Variants in TRPM3 observed in about 807,000 individuals in gnomAD.
The protein encoded by TRPM3 is long transient receptor potential channel 3.
TRPM3 carries 77 observed loss-of-function variants against 181.2 expected under a neutral mutation model. The observed-to-expected ratio is 0.42, with a 90% CI of 0.35 to 0.51. The LOEUF is 0.51. Ranked by LOEUF, TRPM3 falls within the 20% of genes least tolerant of loss-of-function variation. The pLI is 0.01. For synonymous variants in TRPM3, 745 were observed against 796.4 expected, an observed-to-expected ratio of 0.94 and a Z score of 1.09; for missense variants, 1,759 against 2,196.7, an observed-to-expected ratio of 0.80 and a Z score of 3.98.
chr9:70,944,777 G>A (rs1365219979), intron 1 of TRPM3, among the ~76,000 whole-genome samples: 1 of 151,914 alleles, frequency 6.6e-6, no homozygotes, highest in Non-Finnish European at 1.5e-5. Flanking sequence ...TTTATATCAT[G>A]ACTAAATTTT....
chr9:71,399,521 C>CTTTTTTTTTTTTTTTTTTTTTTTTT lies in TRPM3; in HGVS notation c.183+47131_183+47132insAAAAAAAAAAAAAAAAAAAAAAAAA, dbSNP rs1415739241. ...ATATTCATTTTACTCCTTATATTTTCTTTTGTTTTTTTTTTTTTTTTTTTT... is the reference window on the plus strand; with the variant it reads ...ATATTCATTTTACTCCTTATATTTTCTTTTTTTTTTTTTTTTTTTTTTTTTTTTTGTTTTTTTTTTTTTTTTTTTT... On this transcript the variant is annotated intron_variant, in intron 1 of 24. Transcript: ENST00000357533. Among the ~76,000 whole-genome samples the CTTTTTTTTTTTTTTTTTTTTTTTTT allele has an allele frequency of 3.7e-5, 4 of 107,520 alleles. 1 individual carries two copies. The highest frequency in any genetic ancestry group is 4.0e-5 in the Non-Finnish European group (2 of 49,506). The allele number at this position is 107,520 out of a possible 152,430, so 70.5% of individuals were successfully genotyped here.
At chr9:70,943,623 C>T (rs2096906016) in intron 1 of TRPM3, among the ~76,000 whole-genome samples, 1 of 152,204 alleles carries the variant, frequency 6.6e-6, no homozygotes, top group Admixed American at 6.5e-5. Context: ...AAGCCATGCT[C>T]TCAAATTTAG....
intron 1 of TRPM3, among the ~76,000 whole-genome samples, chr9:71,188,320 A>G (rs1374483284): frequency 6.6e-6 from 1 of 151,796 alleles, no homozygotes; most frequent in Non-Finnish European, 1.5e-5. Flanking sequence ...TGTGAGTAGG[A>G]AAAGGAAAAT....
At chr9:70,881,632 G>T (rs905072737) in intron 1 of TRPM3, among the ~76,000 whole-genome samples, 47 of 152,182 alleles carry the variant, frequency 3.1e-4, no homozygotes, top group African/African-American at 1.1e-3. Context: ...GATTAGTGGG[G>T]TTTAATTTGT....
chr9:70,698,284 G>A (rs1348058955), intron 8 of TRPM3, among the ~76,000 whole-genome samples: 1 of 151,948 alleles, frequency 6.6e-6, no homozygotes, highest in Non-Finnish European at 1.5e-5. Flanking sequence ...TAACAGCAGA[G>A]TTTTGGAGCA....
At chr9:70,914,530 T>C (rs1348373155) in intron 1 of TRPM3, among the ~76,000 whole-genome samples, 3 of 152,112 alleles carry the variant, frequency 2.0e-5, no homozygotes, top group African/African-American at 7.2e-5. Context: ...AACAGACGTG[T>C]AGTGTGATAA....
intron 1 of TRPM3, among the ~76,000 whole-genome samples, chr9:70,915,298 C>CT (rs927457795): frequency 2.0e-4 from 30 of 150,534 alleles, no homozygotes; most frequent in African/African-American, 3.4e-4. Flanking sequence ...GCATCAGAGT[C>CT]TTTTTTTTTC....
chr9:71,249,025 T>C (rs2082192591), intron 1 of TRPM3, among the ~76,000 whole-genome samples: 1 of 152,212 alleles, frequency 6.6e-6, no homozygotes, highest in African/African-American at 2.4e-5. Context: ...AAAAAAGTGT[T>C]TCATCTGGAA....
intron 1 of TRPM3, among the ~76,000 whole-genome samples, chr9:70,951,844 T>C (rs2097004652): frequency 6.6e-6 from 1 of 152,154 alleles, no homozygotes; most frequent in Non-Finnish European, 1.5e-5. Flanking sequence ...AGAAGCCATA[T>C]CGAGTCACTG....
At chr9:71,036,074 A>C (rs935160425) in intron 1 of TRPM3, among the ~76,000 whole-genome samples, 1 of 150,348 alleles carries the variant, frequency 6.7e-6, no homozygotes, top group Non-Finnish European at 1.5e-5. Flanking sequence ...TATGATCTGG[A>C]AATGGAAGAT....
chr9:71,358,792 T>G (rs2092015778), intron 1 of TRPM3, among the ~76,000 whole-genome samples: 1 of 152,138 alleles, frequency 6.6e-6, no homozygotes, highest in Non-Finnish European at 1.5e-5. Context: ...GTGAAGTGGA[T>G]CAAACTCATA....
At chr9:70,603,262 G>T in intron 20 of TRPM3, 80 bp downstream of exon 20, 2 of 1,495,604 alleles carry the variant, frequency 1.3e-6, no homozygotes, top group Admixed American at 2.0e-5. Flanking sequence ...TGCATCCCAG[G>T]CATCTTCCTG....
At chr9:70,740,142 T>C (rs902100193) in intron 8 of TRPM3, among the ~76,000 whole-genome samples, 11 of 152,126 alleles carry the variant, frequency 7.2e-5, no homozygotes, top group Non-Finnish European at 1.5e-5. Flanking sequence ...ACAAAATTAA[T>C]GTACACAAAT....
chr9:70,865,240 T>A (rs2089580606), intron 1 of TRPM3: 1 of 152,072 alleles, frequency 6.6e-6, no homozygotes, highest in African/African-American at 2.4e-5. Flanking sequence ...GTCCTGCCAC[T>A]GAGATTGGGT....
intron 1 of TRPM3, among the ~76,000 whole-genome samples, chr9:71,336,901 T>C (rs146290138): frequency 2.3e-3 from 356 of 152,310 alleles, no homozygotes; most frequent in African/African-American, 8.3e-3. Context: ...CCTAGCCATA[T>C]GCAGAAAACT....
At chr9:71,399,103 C>A (rs1393361552) in intron 1 of TRPM3, among the ~76,000 whole-genome samples, 1 of 79,186 alleles carries the variant, frequency 1.3e-5, no homozygotes, top group African/African-American at 4.9e-5. Context: ...AAAGATCTGC[C>A]TTCAAGAATC....
chr9:70,792,080 C>T (rs956878501), intron 6 of TRPM3, among the ~76,000 whole-genome samples: 6 of 152,126 alleles, frequency 3.9e-5, no homozygotes, highest in Admixed American at 1.3e-4. Flanking sequence ...TCATGGTGTC[C>T]GCCCTATCCC....
chr9:71,407,834 C>A (rs578121194), intron 1 of TRPM3, among the ~76,000 whole-genome samples: 2 of 152,216 alleles, frequency 1.3e-5, no homozygotes, highest in Admixed American at 1.3e-4. Flanking sequence ...TAGGGGCCAA[C>A]TGACACCTCA....
At chr9:71,336,042 CAAG>C (rs1456066601) in intron 1 of TRPM3, among the ~76,000 whole-genome samples, 1 of 152,032 alleles carries the variant, frequency 6.6e-6, no homozygotes, top group Non-Finnish European at 1.5e-5. Flanking sequence ...TAACATATTC[CAAG>C]AAGACATCAG....
Sources: allele counts gnomAD v4.1 joint callset (sites outside exome capture counted in the v4.1 genomes callset), GRCh38; gene constraint gnomAD v4.1.1; transcripts MANE v1.5; gene names NCBI Gene and HGNC (gene_info 2026-07-23, HGNC 2026-07-21).